NETO1: variants seen among roughly 807,000 people sequenced by gnomAD.
NETO1 encodes the protein neuropilin and tolloid-like protein 1.
Under a neutral mutation model 61.3 loss-of-function variants are expected in NETO1, and 26 were observed. The observed-to-expected ratio is 0.42, with a 90% CI of 0.31 to 0.59. The LOEUF (loss-of-function observed/expected upper bound fraction) is 0.59, where lower values mean the gene tolerates loss of function less well. Ranked by LOEUF, NETO1 falls within the 20% of genes least tolerant of loss-of-function variation. The pLI is 0.12. For missense variants in NETO1, 531 were observed against 662.8 expected (o/e 0.80, Z 2.18); for synonymous variants, 225 against 225.8 (o/e 1.00, Z 0.03).
chr18:72,801,496 A>G (rs1201422278), intron 4 of NETO1, among the ~76,000 whole-genome samples: 2 of 152,174 alleles, frequency 1.3e-5, no homozygotes, highest in African/African-American at 2.4e-5. Context: ...ATGTGAATGT[A>G]TTTTCAAATA....
At chr18:72,769,016 G>A (rs987733300) in intron 7 of NETO1, among the ~76,000 whole-genome samples, 4 of 152,166 alleles carry the variant, frequency 2.6e-5, no homozygotes, top group East Asian at 1.9e-4. Flanking sequence ...CAAAGTGGCC[G>A]TCGCTGTACA....
At chr18:72,798,336 T>C (rs1363652533) in intron 4 of NETO1, among the ~76,000 whole-genome samples, 2 of 152,186 alleles carry the variant, frequency 1.3e-5, no homozygotes, top group Non-Finnish European at 2.9e-5. Flanking sequence ...CCTGATGATC[T>C]GGGGTAGTGA....
chr18:72,792,565 G>A lies in NETO1; in HGVS notation c.639+1552C>T, dbSNP rs2072159040. Among the ~76,000 whole-genome samples, 6 of 151,650 alleles carry A rather than the reference G, an allele frequency of 4.0e-5. No individual in the cohort carries two copies. The South Asian group carries it at 1.3e-3, about 32-fold the overall frequency. ...CCACCATGGCCTAATTTCCAACACT[G>A]GAATTACCGCCACAGCTTCCCACTT... On this transcript the variant is annotated intron_variant, in intron 6 of 10. Coordinates refer to ENST00000327305, the MANE Select transcript of NETO1 (RefSeq NM_138966.5).
chr18:72,818,342 T>C (rs1456476054), intron 4 of NETO1, among the ~76,000 whole-genome samples: 1 of 152,170 alleles, frequency 6.6e-6, no homozygotes, highest in Non-Finnish European at 1.5e-5. Context: ...AAGAAAAATA[T>C]TGACAGTATC....
chr18:72,772,807 C>CTCTA (rs2071406031), intron 7 of NETO1, among the ~76,000 whole-genome samples: 1 of 51,240 alleles, frequency 2.0e-5, no homozygotes, highest in African/African-American at 7.1e-5. Flanking sequence ...CTCTCTCTCT[C>CTCTA]TCTCTCTCTC....
At chr18:72,774,007 A>G (rs191137941) in intron 7 of NETO1, among the ~76,000 whole-genome samples, 33 of 152,218 alleles carry the variant, frequency 2.2e-4, no homozygotes, top group African/African-American at 7.7e-4. Flanking sequence ...ACGAGTTAAC[A>G]TAAAACTAAA....
At chr18:72,857,289 C>T (rs950921900) in intron 4 of NETO1, among the ~76,000 whole-genome samples, 1 of 152,166 alleles carries the variant, frequency 6.6e-6, no homozygotes, top group Non-Finnish European at 1.5e-5. Flanking sequence ...TCTATAAATG[C>T]AGTATGGTGG....
intron 4 of NETO1, among the ~76,000 whole-genome samples, chr18:72,856,955 T>G (rs1457889573): frequency 6.6e-6 from 1 of 152,248 alleles, no homozygotes; most frequent in African/African-American, 2.4e-5. Flanking sequence ...AAATTATTAC[T>G]AATCCCTTCC....
chr18:72,855,017 G>A lies in NETO1; in HGVS notation c.469+3809C>T, dbSNP rs180845825. On this transcript the variant is annotated intron_variant, in intron 4 of 10. Coordinates refer to ENST00000327305, the MANE Select transcript of NETO1 (RefSeq NM_138966.5). The stretch of plus-strand genomic sequence containing the variant: ...ATATACCAAACTTGATTTAAAACTT[G>A]TTTAAAGACTCTTTTTAAATGAGAA... Among the ~76,000 whole-genome samples, 791 of 152,128 alleles carry A rather than the reference G, an allele frequency of 5.2e-3. 10 individuals are homozygous for A. The highest frequency in any genetic ancestry group is 0.018 in the African/African-American group (764 of 41,488).
intron 4 of NETO1, among the ~76,000 whole-genome samples, chr18:72,812,753 CT>C (rs748944059): frequency 3.3e-5 from 5 of 152,094 alleles, no homozygotes; most frequent in Non-Finnish European, 7.4e-5. Context: ...TCAGTTTCTC[CT>C]ATAAATAACT....
intron 3 of NETO1, among the ~76,000 whole-genome samples, chr18:72,863,460 T>TAA (rs757018202): frequency 1.3e-5 from 2 of 152,186 alleles, no homozygotes; most frequent in Non-Finnish European, 2.9e-5. Flanking sequence ...AGAATATTGT[T>TAA]AAGTCCTATG....
intron 3 of NETO1, among the ~76,000 whole-genome samples, chr18:72,862,822 A>AT (rs1382293514): frequency 6.6e-6 from 1 of 151,962 alleles, no homozygotes; most frequent in Non-Finnish European, 1.5e-5. Context: ...GGGTTTCAAC[A>AT]TATTGGCCAG....
intron 4 of NETO1, among the ~76,000 whole-genome samples, chr18:72,820,306 C>G (rs2062313): frequency 0.54 from 82,660 of 152,092 alleles, 23,859 homozygotes; most frequent in East Asian, 0.73. Context: ...CAAATGATTA[C>G]AATGTACACA....
intron 7 of NETO1, among the ~76,000 whole-genome samples, chr18:72,776,902 T>C (rs1448249894): frequency 6.6e-6 from 1 of 152,216 alleles, no homozygotes; most frequent in Non-Finnish European, 1.5e-5. Flanking sequence ...CAGTGTCAAT[T>C]TAAAACTCTA....
intron 7 of NETO1, among the ~76,000 whole-genome samples, chr18:72,765,907 A>G (rs1430057917): frequency 1.3e-5 from 2 of 152,200 alleles, no homozygotes; most frequent in Non-Finnish European, 2.9e-5. Context: ...CAAAAATGTC[A>G]TTAAAAATAC....
At chr18:72,835,198 T>C in intron 4 of NETO1, 6 of 1,375,482 alleles carry the variant, frequency 4.4e-6, no homozygotes, top group East Asian at 2.8e-5. Flanking sequence ...GAGATCAGCA[T>C]GTGTGCTTCA....
chr18:72,835,923 C>A (rs1045534073), intron 4 of NETO1, among the ~76,000 whole-genome samples: 1 of 152,140 alleles, frequency 6.6e-6, no homozygotes, highest in Non-Finnish European at 1.5e-5. Context: ...AATTACAACA[C>A]AGTGTGAGAG....
intron 8 of NETO1, among the ~76,000 whole-genome samples, chr18:72,753,059 A>G (rs373046872): frequency 6.6e-6 from 1 of 152,118 alleles, no homozygotes; most frequent in South Asian, 2.1e-4. Flanking sequence ...TAATGGGAGT[A>G]TAAGAAACAA....
intron 10 of NETO1, among the ~76,000 whole-genome samples, chr18:72,748,611 T>C (rs1184983665): frequency 6.6e-6 from 1 of 152,068 alleles, no homozygotes; most frequent in Non-Finnish European, 1.5e-5. Flanking sequence ...ATAAAGAAAG[T>C]AGTTACCAGT....
Sources: gnomAD v4.1 joint callset for allele counts (sites outside exome capture counted in the v4.1 genomes callset) on GRCh38, gnomAD v4.1.1 for gene constraint, MANE v1.5 for transcripts, NCBI Gene and HGNC (gene_info 2026-07-23, HGNC 2026-07-21) for gene names.